The following TTC39C variants were observed in gnomAD, a reference collection of about 807,000 sequenced individuals.
TTC39C encodes tetratricopeptide repeat protein 39C.
A neutral mutation model predicts 76.3 loss-of-function variants in TTC39C; 33 were observed. That is an observed-to-expected ratio of 0.43 (90% CI 0.33 to 0.58). TTC39C has a LOEUF of 0.58. Ranked by LOEUF, TTC39C falls within the 20% of genes least tolerant of loss-of-function variation. The pLI is 0.04. For synonymous variants in TTC39C, 254 were observed against 260.6 expected, an observed-to-expected ratio of 0.97 and a Z score of 0.24; for missense variants, 595 against 701.4, an observed-to-expected ratio of 0.85 and a Z score of 1.71.
intron 1 of TTC39C, among the ~76,000 whole-genome samples, chr18:24,016,081 A>G (rs1384308114): frequency 6.6e-6 from 1 of 152,236 alleles, no homozygotes; most frequent in African/African-American, 2.4e-5. Flanking sequence ...GAGAATGCCT[A>G]AAGTCTCAGA....
At chr18:24,024,371 G>A (rs940845066) in intron 1 of TTC39C, among the ~76,000 whole-genome samples, 1 of 152,024 alleles carries the variant, frequency 6.6e-6, no homozygotes, top group South Asian at 2.1e-4. Context: ...AAATGAAGTA[G>A]TTAGATGATT....
intron 4 of TTC39C, among the ~76,000 whole-genome samples, chr18:24,075,939 G>C (rs554591721): frequency 6.6e-6 from 1 of 152,168 alleles, no homozygotes; most frequent in African/African-American, 2.4e-5. Flanking sequence ...CCCGTATGGG[G>C]CAGGGTTTCC....
intron 6 of TTC39C, among the ~76,000 whole-genome samples, chr18:24,112,340 A>C (rs1247486123): frequency 6.6e-6 from 1 of 152,220 alleles, no homozygotes; most frequent in Non-Finnish European, 1.5e-5. Flanking sequence ...TCCCCGAAGA[A>C]AGCACACTTT....
intron 1 of TTC39C, among the ~76,000 whole-genome samples, chr18:24,054,568 A>AT (rs141616046): frequency 6.6e-6 from 1 of 151,802 alleles, no homozygotes; most frequent in East Asian, 1.9e-4. Flanking sequence ...CTTCACAACA[A>AT]TTTTTTTCAT....
chr18:24,121,859 G>A (rs1367414929), intron 8 of TTC39C, among the ~76,000 whole-genome samples: 1 of 152,140 alleles, frequency 6.6e-6, no homozygotes, highest in African/African-American at 2.4e-5. Flanking sequence ...AAAAATAATG[G>A]GGTTGGTTGC....
chr18:24,045,883 T>C (rs2083862369), intron 1 of TTC39C, among the ~76,000 whole-genome samples: 1 of 120,208 alleles, frequency 8.3e-6, no homozygotes, highest in South Asian at 2.7e-4. Flanking sequence ...GGGTACTTCC[T>C]TCTGTGAAAA....
intron 1 of TTC39C, among the ~76,000 whole-genome samples, chr18:24,024,476 GA>G (rs1236199958): frequency 5.9e-5 from 9 of 152,160 alleles, no homozygotes; most frequent in Non-Finnish European, 1.2e-4. Flanking sequence ...TAAAATGAAG[GA>G]AGTAACAGAC....
intron 6 of TTC39C, among the ~76,000 whole-genome samples, chr18:24,093,305 C>G (rs908669820): frequency 2.0e-5 from 3 of 151,998 alleles, no homozygotes; most frequent in African/African-American, 7.2e-5. Flanking sequence ...TGGTGAAACC[C>G]CGTCTCTACT....
rs369994422 is a variant in TTC39C, at chr18:24,019,971, A to G, written c.167+4933A>G. The G allele has an allele frequency of 3.9e-5, 58 of 1,472,742 alleles. 1 individual carries two copies. The African/African-American group carries it at 7.4e-4, about 19-fold the overall frequency. The allele number at this position is 1,472,742 out of a possible 1,614,324, so 91.2% of individuals were successfully genotyped here. On this transcript the variant is annotated intron_variant, in intron 1 of 13. Coordinates refer to ENST00000317571, the MANE Select transcript of TTC39C (RefSeq NM_001135993.2). ...CTGAGCCTCTTCTCTGCCTAAAACC[A>G]TGTCAGATTCTTGGGAGGACTGGAA...
At chr18:24,123,189 T>G (rs1485892853) in intron 8 of TTC39C, among the ~76,000 whole-genome samples, 1 of 152,116 alleles carries the variant, frequency 6.6e-6, no homozygotes, top group African/African-American at 2.4e-5. Context: ...TTTATTCCAC[T>G]TTGAGTATGT....
intron 1 of TTC39C, among the ~76,000 whole-genome samples, chr18:24,054,398 A>G (rs1353123391): frequency 6.6e-6 from 1 of 152,228 alleles, no homozygotes; most frequent in Non-Finnish European, 1.5e-5. Context: ...ATCAACTTAA[A>G]TGATGCATTT....
In TTC39C at chr18:24,066,088, A is replaced by C. The variant is rs762751675; in HGVS notation, c.293A>C (p.Glu98Ala). ...TTAAAAACCACAGAAAAACTGTGTG[A>C]AAGTGAAGAGGCTGGAGTAATTGAA... ...DDLKTTEKLC[E>A]SEEAGVIETI... is the part of the protein sequence containing the mutation. Residue 98 changes from glutamate to alanine, a missense_variant, in exon 3 of 14, where the codon GAA (glutamate) becomes GCA (alanine). Glu to Ala is a moderately radical substitution (Grantham distance 107). Coordinates refer to ENST00000317571, the MANE Select transcript of TTC39C (RefSeq NM_001135993.2). The C allele has an allele frequency of 3.8e-6, 6 of 1,599,898 alleles. No homozygotes were observed. The African/African-American group carries it at 6.8e-5, about 18-fold the overall frequency.
At chr18:24,082,701 G>A (rs1049892993) in intron 5 of TTC39C, among the ~76,000 whole-genome samples, 2 of 152,166 alleles carry the variant, frequency 1.3e-5, no homozygotes, top group African/African-American at 4.8e-5. Context: ...CCTGAGGGAA[G>A]GGTGTCTTCT....
chr18:24,097,275 C>G (rs1422441722), intron 6 of TTC39C, among the ~76,000 whole-genome samples: 1 of 152,210 alleles, frequency 6.6e-6, no homozygotes, highest in Non-Finnish European at 1.5e-5. Flanking sequence ...TTGCCATCAC[C>G]TTTGCTCTTG....
intron 6 of TTC39C, among the ~76,000 whole-genome samples, chr18:24,084,870 G>A (rs1209520636): frequency 6.6e-6 from 1 of 151,920 alleles, no homozygotes; most frequent in Non-Finnish European, 1.5e-5. Flanking sequence ...TCCCTATTTT[G>A]GCCAGTCTGG....
intron 1 of TTC39C, among the ~76,000 whole-genome samples, chr18:24,045,896 T>A (rs557119031): frequency 9.9e-4 from 40 of 40,466 alleles, no homozygotes; most frequent in African/African-American, 4.9e-3. Context: ...TGTGAAAATA[T>A]ATATATATAT....
At chr18:24,119,439 C>T (rs1333215121) in intron 8 of TTC39C, among the ~76,000 whole-genome samples, 1 of 152,208 alleles carries the variant, frequency 6.6e-6, no homozygotes, top group Non-Finnish European at 1.5e-5. Context: ...CCATCTTCCA[C>T]TTCCATTCTG....
chr18:24,071,935 G>T (rs956246518), intron 4 of TTC39C, among the ~76,000 whole-genome samples: 1 of 152,154 alleles, frequency 6.6e-6, no homozygotes, highest in Non-Finnish European at 1.5e-5. Context: ...ATTCTCATAG[G>T]CATGAAAGCC....
intron 1 of TTC39C, among the ~76,000 whole-genome samples, chr18:24,050,083 T>C (rs181174002): frequency 1.3e-5 from 2 of 152,254 alleles, no homozygotes; most frequent in East Asian, 3.9e-4. Flanking sequence ...TGGACACCAT[T>C]TGGGGCTCTG....
Sources: allele counts gnomAD v4.1 joint callset (sites outside exome capture counted in the v4.1 genomes callset), GRCh38; gene constraint gnomAD v4.1.1; transcripts MANE v1.5; gene names NCBI Gene and HGNC (gene_info 2026-07-23, HGNC 2026-07-21).